Variants in FAM227B observed in about 807,000 individuals in gnomAD.
FAM227B encodes protein FAM227B.
A neutral mutation model predicts 73.8 loss-of-function variants in FAM227B; 88 were observed. The observed-to-expected ratio is 1.19, with a 90% confidence interval of 1.00 to 1.42. The LOEUF (loss-of-function observed/expected upper bound fraction) is 1.42. FAM227B is among the 40% of genes most tolerant of loss of function. The pLI, the probability that FAM227B is intolerant of heterozygous loss-of-function variation, is 0.00. For synonymous variants in FAM227B, 210 were observed against 190.5 expected, an observed-to-expected ratio of 1.10 and a Z score of -0.84; for missense variants, 632 against 590.9, an observed-to-expected ratio of 1.07 and a Z score of -0.72.
rs1431286074 is a variant in FAM227B, at chr15:49,357,300, G to GT, written c.1271+10147dup. 7.5e-3 allele frequency among the ~76,000 whole-genome samples: 1,123 copies of GT among 150,698 alleles called. 12 individuals carry two copies. The highest frequency in any genetic ancestry group is 0.026 in the African/African-American group (1,079 of 40,872). ...AAAAAATTAGTGAATCCAGGAGCTG[G>GT]TTTTTTGAAAGGATCAACAAAATTG... is the stretch of plus-strand genomic sequence containing the variant. On this transcript the variant is annotated intron_variant, in intron 13 of 15. Transcript: ENST00000299338.
intron 11 of FAM227B, among the ~76,000 whole-genome samples, chr15:49,461,347 A>T (rs1437615088): frequency 6.6e-6 from 1 of 152,222 alleles, no homozygotes; most frequent in African/African-American, 2.4e-5. Context: ...CTGAGTAGGT[A>T]TACAGTCAAT....
intron 11 of FAM227B, among the ~76,000 whole-genome samples, chr15:49,437,128 G>A (rs2151817175): frequency 6.6e-6 from 1 of 151,542 alleles, no homozygotes; most frequent in East Asian, 2.0e-4. Context: ...CTGGAAAATT[G>A]TTATAGAATG....
intron 9 of FAM227B, among the ~76,000 whole-genome samples, chr15:49,560,768 C>A (rs1343719193): frequency 6.6e-6 from 1 of 152,068 alleles, no homozygotes; most frequent in African/African-American, 2.4e-5. Context: ...ATTTTCATAT[C>A]CCACTAAACT....
At chr15:49,358,271 C>T (rs1298282501) in intron 13 of FAM227B, among the ~76,000 whole-genome samples, 1 of 143,742 alleles carries the variant, frequency 7.0e-6, no homozygotes, top group African/African-American at 2.6e-5. Context: ...AAAGGGTATT[C>T]AATTAGGAAA....
At chr15:49,471,660 C>T (rs145415124) in intron 11 of FAM227B, among the ~76,000 whole-genome samples, 3 of 151,812 alleles carry the variant, frequency 2.0e-5, no homozygotes, top group Non-Finnish European at 4.4e-5. Flanking sequence ...TCAAGAATGG[C>T]GAATCTGGTC....
At chr15:49,353,771 C>A (rs2042614513) in intron 13 of FAM227B, 1 of 148,236 alleles carries the variant, frequency 6.7e-6, no homozygotes, top group African/African-American at 2.4e-5. Context: ...TGGGAGGGTT[C>A]TGGATTAGTT....
At chr15:49,365,615 T>C (rs560111698) in intron 13 of FAM227B, 44 of 1,107,662 alleles carry the variant, frequency 4.0e-5, no homozygotes, top group South Asian at 3.1e-4. Context: ...AATGGTGTTA[T>C]GAAAACAAAA....
chr15:49,517,483 A>T (rs1051328242), intron 10 of FAM227B, among the ~76,000 whole-genome samples: 1 of 152,188 alleles, frequency 6.6e-6, no homozygotes, highest in Non-Finnish European at 1.5e-5. Flanking sequence ...ATAAAAATCT[A>T]TTTGAGTCAC....
intron 11 of FAM227B, among the ~76,000 whole-genome samples, chr15:49,380,182 CT>C (rs1263035094): frequency 6.6e-6 from 1 of 152,202 alleles, no homozygotes; most frequent in African/African-American, 2.4e-5. Context: ...ATGGGGAGTA[CT>C]GCCAGACTAC....
In FAM227B at chr15:49,489,855, ATATTTTATATAT is replaced by A. The variant is rs1282492199; in HGVS notation, c.1012+18344_1012+18355del. On this transcript the variant is annotated intron_variant, in intron 11 of 15. Transcript: ENST00000299338. ...ATATATATATTTTATATATATATAT[ATATTTTATATAT>A]ATATATATATATATATAGAGAGAGA... Among the ~76,000 whole-genome samples the A allele has an allele frequency of 2.9e-3, 43 of 14,936 alleles. 4 individuals carry two copies. The highest frequency in any genetic ancestry group is 5.2e-3 in the Non-Finnish European group (34 of 6,508). 9.8% of individuals were successfully genotyped at this position (14,936 alleles called of 152,430 possible). A position where few individuals can be genotyped will look rare whatever the true frequency, so the allele number is the denominator to read the frequency against.
At chr15:49,371,178 T>C in intron 12 of FAM227B, 124 bp downstream of exon 12, 1 of 487,058 alleles carries the variant, frequency 2.1e-6, no homozygotes. Context: ...GACCATTAAA[T>C]TCTTTTCCAA....
intron 14 of FAM227B, among the ~76,000 whole-genome samples, chr15:49,332,667 G>A (rs1415500392): frequency 1.3e-5 from 2 of 152,144 alleles, no homozygotes; most frequent in Non-Finnish European, 2.9e-5. Flanking sequence ...AATTTCACTG[G>A]CAATTTTCAA....
intron 11 of FAM227B, among the ~76,000 whole-genome samples, chr15:49,492,760 C>G (rs944370565): frequency 1.3e-5 from 2 of 151,782 alleles, no homozygotes; most frequent in South Asian, 2.1e-4. Context: ...AAATTTTCTA[C>G]ATTAATATAT....
chr15:49,466,858 A>G (rs2054309788), intron 11 of FAM227B, among the ~76,000 whole-genome samples: 1 of 151,988 alleles, frequency 6.6e-6, no homozygotes, highest in African/African-American at 2.4e-5. Flanking sequence ...TTTTCCTTTC[A>G]CTTTCATTTC....
At chr15:49,604,275 T>A (rs1320071499) in intron 3 of FAM227B, among the ~76,000 whole-genome samples, 2 of 152,148 alleles carry the variant, frequency 1.3e-5, no homozygotes, top group Non-Finnish European at 2.9e-5. Context: ...ACTTTTTCCA[T>A]GTGTGCAAAA....
intron 11 of FAM227B, among the ~76,000 whole-genome samples, chr15:49,394,147 AATG>A (rs2047406515): frequency 2.0e-5 from 3 of 152,282 alleles, no homozygotes; most frequent in African/African-American, 7.2e-5. Flanking sequence ...GTCCTTCTCT[AATG>A]ATTTGACTTT....
chr15:49,580,916 A>T (rs1468205442), intron 5 of FAM227B, among the ~76,000 whole-genome samples: 1 of 152,180 alleles, frequency 6.6e-6, no homozygotes, highest in Non-Finnish European at 1.5e-5. Context: ...CTCAGAAATA[A>T]CTCAGTCACA....
chr15:49,619,115 T>C (rs1452441854), intron 1 of FAM227B, among the ~76,000 whole-genome samples: 1 of 152,152 alleles, frequency 6.6e-6, no homozygotes, highest in Non-Finnish European at 1.5e-5. Flanking sequence ...CATCTGGCCT[T>C]GAATTTAACA....
intron 10 of FAM227B, among the ~76,000 whole-genome samples, chr15:49,515,148 C>T (rs1303597486): frequency 3.3e-5 from 5 of 151,992 alleles, no homozygotes; most frequent in Non-Finnish European, 7.4e-5. Flanking sequence ...GTCTTGGATG[C>T]TCTGTTCTGT....
Sources: allele counts gnomAD v4.1 joint callset (sites outside exome capture counted in the v4.1 genomes callset), GRCh38; gene constraint gnomAD v4.1.1; transcripts MANE v1.5; gene names NCBI Gene and HGNC (gene_info 2026-07-23, HGNC 2026-07-21).